Variants in GRIK2 observed in about 807,000 individuals in gnomAD.
GRIK2 encodes the protein glutamate receptor ionotropic, kainate 2.
GRIK2 carries 32 observed loss-of-function variants against 100.3 expected under a neutral mutation model. The ratio of observed to expected loss-of-function variants is 0.32; its 90% CI spans 0.24 to 0.43. The LOEUF is 0.43. Ranked by LOEUF, GRIK2 falls within the 20% of genes least tolerant of loss-of-function variation. GRIK2 has a pLI of 1.00. For missense variants in GRIK2, 843 were observed against 1,114.9 expected (o/e 0.76, Z 3.47); for synonymous variants, 417 against 389.4 (o/e 1.07, Z -0.83).
chr6:101,421,609 A>C (rs1416991760), intron 2 of GRIK2, among the ~76,000 whole-genome samples: 1 of 152,172 alleles, frequency 6.6e-6, no homozygotes, highest in Non-Finnish European at 1.5e-5. Flanking sequence ...TAATGTCTTA[A>C]AGTCAGATCA....
chr6:101,957,269 G>GT (rs35974466), intron 14 of GRIK2, among the ~76,000 whole-genome samples: 1 of 151,762 alleles, frequency 6.6e-6, no homozygotes, highest in Non-Finnish European at 1.5e-5. Context: ...TTTTTGTCAT[G>GT]TTTTTTTGGC....
At chr6:101,956,131 G>A (rs1484929846) in intron 14 of GRIK2, among the ~76,000 whole-genome samples, 1 of 151,976 alleles carries the variant, frequency 6.6e-6, no homozygotes, top group Non-Finnish European at 1.5e-5. Flanking sequence ...ATGTCAGTGT[G>A]ATGTGTTCTT....
At chr6:102,024,823 G>A (rs1769609191) in intron 14 of GRIK2, among the ~76,000 whole-genome samples, 1 of 150,628 alleles carries the variant, frequency 6.6e-6, no homozygotes. Flanking sequence ...ATGAAGCCAT[G>A]AACAGAATAT....
intron 14 of GRIK2, among the ~76,000 whole-genome samples, chr6:102,028,726 G>GTT (rs59432122): frequency 1.3e-4 from 19 of 149,412 alleles, no homozygotes; most frequent in Non-Finnish European, 2.1e-4. Context: ...TTAAGAAATC[G>GTT]TTTTTTTTAT....
At chr6:101,972,031 A>G (rs1334852288) in intron 14 of GRIK2, among the ~76,000 whole-genome samples, 1 of 151,908 alleles carries the variant, frequency 6.6e-6, no homozygotes, top group Non-Finnish European at 1.5e-5. Flanking sequence ...TGTCTTTGCT[A>G]TTGTGAACAG....
At chr6:101,715,894 G>A (rs1231830647) in intron 7 of GRIK2, among the ~76,000 whole-genome samples, 3 of 151,714 alleles carry the variant, frequency 2.0e-5, no homozygotes, top group African/African-American at 7.3e-5. Flanking sequence ...GATAATGTTT[G>A]GCCTAAATAT....
At chr6:101,682,421 C>A in intron 5 of GRIK2, 132 bp from the exon 6 acceptor site, 1 of 624,832 alleles carries the variant, frequency 1.6e-6, no homozygotes, top group Non-Finnish European at 2.9e-6. Flanking sequence ...TTTAGTTTAA[C>A]CTAATTGTAT....
At chr6:101,944,912 T>G (rs1486614563) in intron 14 of GRIK2, among the ~76,000 whole-genome samples, 1 of 152,052 alleles carries the variant, frequency 6.6e-6, no homozygotes, top group African/African-American at 2.4e-5. Flanking sequence ...GTTTATACAA[T>G]TTTCCTTTGA....
rs1021884196 is a variant in GRIK2, at chr6:101,633,534, A to G, written c.541+6897A>G. Among the ~76,000 whole-genome samples, 5 of 152,294 alleles carry G rather than the reference A, an allele frequency of 3.3e-5. No homozygotes were observed. The South Asian group carries it at 1.0e-3, about 32-fold the overall frequency. ...AAGAATTTAAAACTTTCAACAATAT[A>G]AATGCTATGGGCCATGTGCCATTTT... is the stretch of plus-strand genomic sequence containing the variant. On this transcript the variant is annotated intron_variant, in intron 4 of 16. Transcript: ENST00000369134.
intron 14 of GRIK2, among the ~76,000 whole-genome samples, chr6:102,018,616 T>C (rs1164865450): frequency 3.9e-5 from 6 of 152,112 alleles, no homozygotes; most frequent in Non-Finnish European, 5.9e-5. Flanking sequence ...TTTCTACTCA[T>C]GGATATCTGC....
chr6:101,900,152 C>A (rs1787746235), intron 12 of GRIK2, among the ~76,000 whole-genome samples: 1 of 152,156 alleles, frequency 6.6e-6, no homozygotes, highest in Non-Finnish European at 1.5e-5. Flanking sequence ...TTTAAATCAT[C>A]CACCTAAGAA....
chr6:101,835,384 C>T (rs1431493255), intron 10 of GRIK2, among the ~76,000 whole-genome samples: 2 of 148,984 alleles, frequency 1.3e-5, no homozygotes, highest in African/African-American at 4.9e-5. Flanking sequence ...ATGAAAATGT[C>T]ATTCCTTCAT....
chr6:101,613,100 T>C (rs560450709), intron 2 of GRIK2, among the ~76,000 whole-genome samples: 2 of 151,684 alleles, frequency 1.3e-5, no homozygotes, highest in African/African-American at 4.8e-5. Flanking sequence ...AAAAATCCAG[T>C]GGAGATGCAT....
At chr6:101,680,781 C>T (rs551836843) in intron 5 of GRIK2, among the ~76,000 whole-genome samples, 1 of 152,192 alleles carries the variant, frequency 6.6e-6, no homozygotes, top group East Asian at 1.9e-4. Context: ...CAATGAATGC[C>T]TTCTACAAAT....
intron 2 of GRIK2, among the ~76,000 whole-genome samples, chr6:101,510,749 C>G (rs1412945773): frequency 6.6e-6 from 1 of 151,434 alleles, no homozygotes. Context: ...GTCTTGAACT[C>G]CTGGCCTCCT....
At chr6:101,715,090 C>T (rs183374431) in intron 7 of GRIK2, among the ~76,000 whole-genome samples, 197 of 151,466 alleles carry the variant, frequency 1.3e-3, no homozygotes, top group Middle Eastern at 3.4e-3. Context: ...ATAGGCTTTG[C>T]CTGAAGTGTT....
chr6:101,895,551 G>A (rs192462728), intron 12 of GRIK2, among the ~76,000 whole-genome samples: 17 of 151,686 alleles, frequency 1.1e-4, no homozygotes, highest in Admixed American at 7.2e-4. Context: ...TTTAATGTAC[G>A]GTGAAGGACA....
intron 7 of GRIK2, among the ~76,000 whole-genome samples, chr6:101,757,070 C>G (rs193010473): frequency 1.4e-3 from 220 of 152,094 alleles, no homozygotes; most frequent in African/African-American, 5.1e-3. Flanking sequence ...CTTTAAATAG[C>G]TTTAAATGGG....
chr6:101,773,005 A>G (rs1778501965), intron 7 of GRIK2, among the ~76,000 whole-genome samples: 1 of 152,134 alleles, frequency 6.6e-6, no homozygotes, highest in African/African-American at 2.4e-5. Context: ...TGAATGACCA[A>G]ATCAAACTGT....
Sources: allele counts gnomAD v4.1 joint callset (sites outside exome capture counted in the v4.1 genomes callset), GRCh38; gene constraint gnomAD v4.1.1; transcripts MANE v1.5; gene names NCBI Gene and HGNC (gene_info 2026-07-23, HGNC 2026-07-21).